Variants in C7orf57 observed in about 807,000 individuals in gnomAD.
C7orf57 encodes uncharacterized protein C7orf57.
Under a neutral mutation model 39.0 loss-of-function variants are expected in C7orf57, and 33 were observed. That is an observed-to-expected ratio of 0.85 (90% CI 0.64 to 1.13). The LOEUF (loss-of-function observed/expected upper bound fraction) is 1.13, where lower values mean the gene tolerates loss of function less well. Among genes scored for constraint, C7orf57 ranks in the 50% most tolerant of loss-of-function variants. The probability of loss-of-function intolerance (pLI) is 0.00; values close to 1 mark genes in which losing one functional copy is unlikely to be tolerated. For synonymous variants in C7orf57, 124 were observed against 137.1 expected (o/e 0.90, Z 0.67); for missense variants, 346 against 362.3 (o/e 0.95, Z 0.37).
intron 2 of C7orf57, among the ~76,000 whole-genome samples, chr7:48,037,912 A>T (rs1212673512): frequency 6.6e-6 from 1 of 152,180 alleles, no homozygotes; most frequent in African/African-American, 2.4e-5. Context: ...CAGTAATGAG[A>T]AGAAGGTAGA....
At chr7:48,059,051 T>G (rs1791211298) in intron 8 of C7orf57, among the ~76,000 whole-genome samples, 1 of 152,196 alleles carries the variant, frequency 6.6e-6, no homozygotes, top group Non-Finnish European at 1.5e-5. Flanking sequence ...CTCTGCTTAG[T>G]TTCTGGATAG....
chr7:48,053,138 ACTTTTGGGGTTT>A (rs1791011015), intron 7 of C7orf57: 1 of 663,416 alleles, frequency 1.5e-6, no homozygotes, highest in Admixed American at 2.2e-5. Flanking sequence ...GGAAGTCATG[ACTTTTGGGGTTT>A]CACATTTTCT....
chr7:48,052,962 GGTTAATTGTGATGCAGCAGCTGAC>G lies in C7orf57; in HGVS notation c.829+43_829+66del, dbSNP rs762088744. On this transcript the variant is annotated intron_variant, in intron 7 of 8. Transcript: ENST00000348904. Reference sequence around the variant, plus strand: ...AGCCATCTGCATTTATTGGAGGCTTGGTTAATTGTGATGCAGCAGCTGACGTTCTTATCACATGATGCGTCTCGT... The same window carrying G: ...AGCCATCTGCATTTATTGGAGGCTTGGTTCTTATCACATGATGCGTCTCGT... The G allele has an allele frequency of 4.6e-6, 7 of 1,506,452 alleles. No homozygotes were observed. In the Admixed American group the frequency reaches 1.2e-4, roughly 26 times the overall value. 93.3% of individuals were successfully genotyped at this position (1,506,452 alleles called of 1,614,324 possible).
At chr7:48,055,893 G>A (rs1039782648) in intron 8 of C7orf57, among the ~76,000 whole-genome samples, 47 of 152,062 alleles carry the variant, frequency 3.1e-4, no homozygotes, top group African/African-American at 1.1e-3. Context: ...TGATTCCATA[G>A]CTTGGCTATT....
chr7:48,036,287 C>A lies in C7orf57; in HGVS notation c.-22C>A. The A allele has an allele frequency of 6.4e-7, 1 of 1,570,218 alleles. No homozygotes were observed. The highest frequency in any genetic ancestry group is 2.4e-5 in the East Asian group (1 of 42,174). ...CAGGTCCGGCAGCATCTGTCTTTTC[C>A]CGCAGCGTGCAGCGCCTGACCATGA... On this transcript the variant is annotated 5_prime_UTR_variant, in exon 2 of 9. Transcript: ENST00000348904.
At chr7:48,048,768 G>T (rs1345405907) in intron 5 of C7orf57, among the ~76,000 whole-genome samples, 1 of 109,058 alleles carries the variant, frequency 9.2e-6, no homozygotes, top group East Asian at 2.4e-4. Context: ...TGCAAGCCCT[G>T]ATCTGTTTTC....
At chr7:48,038,328 C>T (rs1168278689) in intron 2 of C7orf57, among the ~76,000 whole-genome samples, 1 of 152,102 alleles carries the variant, frequency 6.6e-6, no homozygotes, top group Admixed American at 6.5e-5. Flanking sequence ...TAATAGTCAG[C>T]ATTCTCCAAA....
intron 6 of C7orf57, among the ~76,000 whole-genome samples, chr7:48,050,911 C>T (rs1406323548): frequency 6.6e-6 from 1 of 151,920 alleles, no homozygotes; most frequent in Non-Finnish European, 1.5e-5. Flanking sequence ...TCAAAAAATC[C>T]TCCTGCCTCT....
In C7orf57 at chr7:48,035,975, C is replaced by T. The variant is rs1289182161; in HGVS notation, c.-101-233C>T. 6.6e-6 allele frequency among the ~76,000 whole-genome samples: 1 copy of T among 151,640 alleles called. No homozygotes were observed. The highest frequency in any genetic ancestry group is 2.4e-5 in the African/African-American group (1 of 41,248). ...CCCTGCTGTGTACCCGGAGTGCGTA[C>T]GTCCCTGCTGTGTACCCTGTGTGGA... On this transcript the variant is annotated intron_variant, in intron 1 of 8. Coordinates refer to ENST00000348904, the MANE Select transcript of C7orf57 (RefSeq NM_001100159.3). This position sits in a 1 kb window ranked among gnomAD's most constrained non-coding sequence, Gnocchi z 4.0.
At position 48,060,223 on chromosome 7, in the gene C7orf57, C is replaced by A; in HGVS notation, c.842-3C>A. The A allele has an allele frequency of 1.3e-5, 20 of 1,525,566 alleles. No individual in the cohort carries two copies. Among genetic ancestry groups the A allele is most frequent in the Non-Finnish European group, 1.7e-5 (19 of 1,129,008 alleles). 94.5% of individuals were successfully genotyped at this position (1,525,566 alleles called of 1,614,324 possible). A position where few individuals can be genotyped will look rare whatever the true frequency, so the allele number is the denominator to read the frequency against. ...CTACTCATTTATTTACTTTGTGTTG[C>A]AGGCCCAGAAGAATCTGTATCTGCA... On this transcript the variant is annotated splice_region_variant and splice_polypyrimidine_tract_variant and intron_variant, in intron 8 of 8. Coordinates refer to ENST00000348904, the MANE Select transcript of C7orf57 (RefSeq NM_001100159.3).
intron 3 of C7orf57, among the ~76,000 whole-genome samples, chr7:48,042,303 C>T (rs1378278195): frequency 6.6e-6 from 1 of 152,220 alleles, no homozygotes; most frequent in East Asian, 1.9e-4. Flanking sequence ...TTAGATTCAC[C>T]TCCTCCTGCT....
At chr7:48,055,932 C>T (rs1387398489) in intron 8 of C7orf57, among the ~76,000 whole-genome samples, 4 of 152,072 alleles carry the variant, frequency 2.6e-5, no homozygotes, top group Admixed American at 6.6e-5. Flanking sequence ...AATTTGGGAG[C>T]GCAGATGTAG....
At chr7:48,050,129 A>G (rs1790833671) in intron 6 of C7orf57, among the ~76,000 whole-genome samples, 152 bp downstream of exon 6, 1 of 152,048 alleles carries the variant, frequency 6.6e-6, no homozygotes, top group Admixed American at 6.5e-5. Flanking sequence ...TCGCCTCCTC[A>G]CTGTGGTTTC....
chr7:48,057,759 G>A (rs1372241065), intron 8 of C7orf57, among the ~76,000 whole-genome samples: 2 of 152,066 alleles, frequency 1.3e-5, no homozygotes, highest in Non-Finnish European at 2.9e-5. Context: ...GGCTTCTCAT[G>A]TATGGTCTTT....
Position 48,050,430 on chromosome 7 carries a change from T to C in C7orf57, c.605+453T>C, listed in dbSNP as rs530823616. ...GGAAGATATAGCAGACACACTGACA[T>C]TTGCTGATCCTCCAGCTGCAGAGTG... On this transcript the variant is annotated intron_variant, in intron 6 of 8. Transcript: ENST00000348904. Among the ~76,000 whole-genome samples, 12 of 152,298 alleles carry C rather than the reference T, an allele frequency of 7.9e-5. No individual in the cohort carries two copies. In the East Asian group the frequency reaches 2.3e-3, roughly 29 times the overall value.
At chr7:48,047,277 C>G (rs1202877305) in intron 5 of C7orf57, among the ~76,000 whole-genome samples, 1 of 152,140 alleles carries the variant, frequency 6.6e-6, no homozygotes, top group South Asian at 2.1e-4. Context: ...GCATCAGCAC[C>G]AGGTCTCAGA....
intron 8 of C7orf57, among the ~76,000 whole-genome samples, chr7:48,057,092 A>G (rs140136567): frequency 7.6e-4 from 112 of 147,696 alleles, no homozygotes; most frequent in African/African-American, 2.6e-3. Context: ...TTTGCTCAAG[A>G]TTGGTTTGGC....
At chr7:48,053,128 G>A (rs1461695713) in intron 7 of C7orf57, 2 of 682,358 alleles carry the variant, frequency 2.9e-6, no homozygotes, top group Admixed American at 2.0e-5. Context: ...AATGAATAGC[G>A]GAAGTCATGA....
At position 48,046,462 on chromosome 7, in the gene C7orf57, T is replaced by G; in HGVS notation, c.353T>G (p.Val118Gly). 1.2e-6 allele frequency: 2 copies of G among 1,612,784 alleles called. No homozygotes were observed. Among genetic ancestry groups the G allele is most frequent in the Non-Finnish European group, 1.7e-6 (2 of 1,179,388 alleles). Residue 118 changes from valine (V) to glycine (G), a missense_variant and splice_region_variant, in exon 5 of 9, where the codon GTG becomes GGG. By Grantham distance (109) the Val-to-Gly change is moderately radical (BLOSUM62 -3). Coordinates refer to ENST00000348904, the MANE Select transcript of C7orf57 (RefSeq NM_001100159.3). ...GTAACTGGTGTCTGTCCTTGCAGAGTGCGGGCTGTCTCCATGCCGGATTAC... is the reference window on the plus strand; with the variant it reads ...GTAACTGGTGTCTGTCCTTGCAGAGGGCGGGCTGTCTCCATGCCGGATTAC... ...SKPPTASQQE[V>G]RAVSMPDYMV...
Sources: gnomAD v4.1 joint callset for allele counts (sites outside exome capture counted in the v4.1 genomes callset) on GRCh38, gnomAD v4.1.1 for gene constraint, Gnocchi (gnomAD v3.1) non-coding constraint, MANE v1.5 for transcripts, NCBI Gene and HGNC (gene_info 2026-07-23, HGNC 2026-07-21) for gene names.